The following TTC5 variants were observed in gnomAD, a reference collection of about 807,000 sequenced individuals.
The protein encoded by TTC5 is tetratricopeptide repeat domain 5.
In TTC5, 46 loss-of-function variants were observed where a neutral mutation model predicts 57.4. The observed-to-expected ratio is 0.80, with a 90% CI of 0.63 to 1.03. The LOEUF is 1.03. Among genes scored for constraint, TTC5 ranks in the 50% least tolerant of loss-of-function variants. The pLI is 0.00. For synonymous variants in TTC5, 190 were observed against 203.5 expected (o/e 0.93, Z 0.57); for missense variants, 504 against 528.1 (o/e 0.95, Z 0.45).
Position 20,288,090 on chromosome 14 carries a change from T to C in TTC5, c.*1537A>G, listed in dbSNP as rs1428123988. 4 of 152,216 alleles carry C rather than the reference T, an allele frequency of 2.6e-5. No homozygotes were observed. Among genetic ancestry groups the C allele is most frequent in the African/African-American group, 7.2e-5 (3 of 41,460 alleles). 9.4% of individuals were successfully genotyped at this position (152,216 alleles called of 1,614,324 possible). ...TAATATTCATATATGATGTTGAAGCTATACCTGAGAATGTAAGCCTTTTTG... is the reference window on the plus strand; with the variant it reads ...TAATATTCATATATGATGTTGAAGCCATACCTGAGAATGTAAGCCTTTTTG... On this transcript the variant is annotated 3_prime_UTR_variant, in exon 10 of 10. Coordinates refer to ENST00000258821, the MANE Select transcript of TTC5 (RefSeq NM_138376.3).
At chr14:20,300,159 T>A (rs56282772) in intron 3 of TTC5, among the ~76,000 whole-genome samples, 1,684 of 72,418 alleles carry the variant, frequency 0.023, 5 homozygotes, top group African/African-American at 0.048. Context: ...ATATATATTT[T>A]TTTTTTTTTT....
In TTC5 at chr14:20,299,290, G is replaced by C. The variant is rs1220343498; in HGVS notation, c.547+8C>G. ...GAAACCTGTTGGAGATCTTTTGAGA[G>C]CACTCACACCAGGAGCGGCCATCAT... On this transcript the variant is annotated splice_region_variant and intron_variant, in intron 4 of 9. Transcript: ENST00000258821. The C allele has an allele frequency of 1.2e-6, 2 of 1,611,148 alleles. No individual in the cohort carries two copies. Among genetic ancestry groups the C allele is most frequent in the East Asian group, 2.2e-5 (1 of 44,834 alleles).
At chr14:20,295,143 A>G in intron 8 of TTC5, 169 bp downstream of exon 8, 1 of 630,940 alleles carries the variant, frequency 1.6e-6, no homozygotes, top group Non-Finnish European at 2.8e-6. Flanking sequence ...TGATCAAAAG[A>G]TGGTTAAACA....
intron 9 of TTC5, among the ~76,000 whole-genome samples, chr14:20,290,297 T>C (rs930926030): frequency 6.6e-6 from 1 of 152,216 alleles, no homozygotes; most frequent in Non-Finnish European, 1.5e-5. Flanking sequence ...AGTTTAAGTG[T>C]ATTTTAAGTT....
intron 1 of TTC5, among the ~76,000 whole-genome samples, chr14:20,302,178 G>T (rs1209885318): frequency 1.3e-5 from 2 of 152,186 alleles, no homozygotes; most frequent in Non-Finnish European, 2.9e-5. Context: ...GTCCCATGTT[G>T]TCCCATGCCA....
chr14:20,303,865 A>C (rs994529408), intron 1 of TTC5, among the ~76,000 whole-genome samples: 2 of 152,122 alleles, frequency 1.3e-5, no homozygotes, highest in African/African-American at 4.8e-5. Flanking sequence ...CAAACCCATC[A>C]AGCTCAGCCC....
At position 20,291,711 on chromosome 14, in the gene TTC5, T is replaced by C. The variant is rs141703953; in HGVS notation, c.1203+272A>G. ...TTGTGAAAAGAAAAGACTTCAGGTATATACACCAAACTGTTAACAGTAACA... is the reference window on the plus strand; with the variant it reads ...TTGTGAAAAGAAAAGACTTCAGGTACATACACCAAACTGTTAACAGTAACA... On this transcript the variant is annotated intron_variant, in intron 9 of 9. Coordinates refer to ENST00000258821, the MANE Select transcript of TTC5 (RefSeq NM_138376.3). 1.8e-3 allele frequency among the ~76,000 whole-genome samples: 267 copies of C among 152,248 alleles called. 1 individual carries two copies. The highest frequency in any genetic ancestry group is 6.1e-3 in the African/African-American group (255 of 41,550).
rs186759144 is a variant in TTC5 at position 20,287,213 on chromosome 14, G to C, written c.*2414C>G. 1 of 152,324 alleles carries C rather than the reference G, an allele frequency of 6.6e-6. No individual in the cohort carries two copies. Among genetic ancestry groups the C allele is most frequent in the East Asian group, 1.9e-4 (1 of 5,176 alleles). 9.4% of individuals were successfully genotyped at this position (152,324 alleles called of 1,614,324 possible). ...CTGGAGGGTTTGCGAAACACAGATT[G>C]CTGGGCTCCTCCCACATAGTTTTGA... On this transcript the variant is annotated 3_prime_UTR_variant, in exon 10 of 10. Coordinates refer to ENST00000258821, the MANE Select transcript of TTC5 (RefSeq NM_138376.3).
intron 2 of TTC5, 29 bp downstream of exon 2, chr14:20,301,804 G>C (rs758611095): frequency 6.2e-7 from 1 of 1,612,806 alleles, no homozygotes; most frequent in Non-Finnish European, 8.5e-7. Context: ...ACTGAAGGAT[G>C]GGGGTTGTAC....
intron 5 of TTC5, among the ~76,000 whole-genome samples, chr14:20,296,894 T>C (rs919263481): frequency 2.6e-5 from 4 of 152,086 alleles, no homozygotes; most frequent in African/African-American, 9.7e-5. Context: ...GCACCTGTAA[T>C]TCCAGCTACT....
chr14:20,297,938 A>G (rs1238171456), intron 5 of TTC5, among the ~76,000 whole-genome samples: 1 of 152,220 alleles, frequency 6.6e-6, no homozygotes, highest in East Asian at 1.9e-4. Flanking sequence ...GGCAGTTTAA[A>G]GTCAAAGGTA....
chr14:20,305,862 T>C, intron 1 of TTC5, 25 bp downstream of exon 1: 2 of 1,612,032 alleles, frequency 1.2e-6, no homozygotes. Context: ...CAAAAACACA[T>C]ACAGAATTTA....
In TTC5 at chr14:20,298,951, A is replaced by T. The variant is rs1882123996; in HGVS notation, c.548-63T>A. On this transcript the variant is annotated intron_variant, in intron 4 of 9. Transcript: ENST00000258821. Reference sequence around the variant, plus strand: ...CAAGTTCAAGATATGACTTATTTTGATCATTCTTGAAAGTATATTTGAAAG... The same window carrying T: ...CAAGTTCAAGATATGACTTATTTTGTTCATTCTTGAAAGTATATTTGAAAG... 3.9e-6 allele frequency: 5 copies of T among 1,278,336 alleles called. No homozygotes were observed. The South Asian group carries it at 6.2e-5, about 16-fold the overall frequency. The allele number at this position is 1,278,336 out of a possible 1,614,324, so 79.2% of individuals were successfully genotyped here. A position where few individuals can be genotyped will look rare whatever the true frequency, so the allele number is the denominator to read the frequency against.
Position 20,301,797 on chromosome 14 carries a change from G to A in TTC5, c.184+36C>T, listed in dbSNP as rs530265858. 1.9e-6 allele frequency: 3 copies of A among 1,611,996 alleles called. No homozygotes were observed. The East Asian group carries it at 6.7e-5, about 36-fold the overall frequency. On this transcript the variant is annotated intron_variant, in intron 2 of 9. Transcript: ENST00000258821. ...GAGCAAAGGTCAATCACATTTCACT[G>A]AAGGATGGGGGTTGTACAATCTCTA...
At chr14:20,303,009 T>C (rs1882222802) in intron 1 of TTC5, among the ~76,000 whole-genome samples, 3 of 151,934 alleles carry the variant, frequency 2.0e-5, no homozygotes, top group South Asian at 2.1e-4. Context: ...CTGGCCATCA[T>C]GGTGAAACCC....
rs1594260723 is a variant in TTC5 at position 20,288,963 on chromosome 14, T to C, written c.*664A>G. On this transcript the variant is annotated 3_prime_UTR_variant, in exon 10 of 10. Coordinates refer to ENST00000258821, the MANE Select transcript of TTC5 (RefSeq NM_138376.3). ...GCTGGTCTCTAGCAACTTTGTGGAG[T>C]TGCCATTCCTGCCTGGGGCTGTCTA... is the stretch of plus-strand genomic sequence containing the variant. 1 of 152,068 alleles carries C rather than the reference T, an allele frequency of 6.6e-6. No individual in the cohort carries two copies. Among genetic ancestry groups the C allele is most frequent in the Non-Finnish European group, 1.5e-5 (1 of 68,022 alleles). The allele number at this position is 152,068 out of a possible 1,614,324, so 9.4% of individuals were successfully genotyped here. A position where few individuals can be genotyped will look rare whatever the true frequency, so the allele number is the denominator to read the frequency against.
chr14:20,292,038 G>A lies in TTC5; in HGVS notation c.1148C>T (p.Ser383Phe). The A allele has an allele frequency of 6.3e-7, 1 of 1,597,236 alleles. No individual in the cohort carries two copies. Among genetic ancestry groups the A allele is most frequent in the African/African-American group, 1.3e-5 (1 of 74,382 alleles). The change falls in exon 9 of 10, where the codon TCT becomes TTT. Residue 383 changes from serine to phenylalanine, a missense_variant. Transcript: ENST00000258821. ...CAGGTTGGGCTCAGGAATGGCTACA[G>A]AGTCTCCAATGAGCACTCCCCAGCT... ...VQSWGVLIGD[S>F]VAIPEPNLRL...
chr14:20,288,353 A>T lies in TTC5; in HGVS notation c.*1274T>A, dbSNP rs1317993406. 6.6e-6 allele frequency: 1 copy of T among 152,260 alleles called. No homozygotes were observed. The highest frequency in any genetic ancestry group is 1.5e-5 in the Non-Finnish European group (1 of 68,048). The allele number at this position is 152,260 out of a possible 1,614,324, so 9.4% of individuals were successfully genotyped here. On this transcript the variant is annotated 3_prime_UTR_variant, in exon 10 of 10. Coordinates refer to ENST00000258821, the MANE Select transcript of TTC5 (RefSeq NM_138376.3). The stretch of plus-strand genomic sequence containing the variant: ...GAACAGGACTGGACCAAGAACAAAG[A>T]TCTGAGCCATTTCACTAGAAGACTT...
chr14:20,303,484 C>G (rs1279299283), intron 1 of TTC5, among the ~76,000 whole-genome samples: 1 of 152,162 alleles, frequency 6.6e-6, no homozygotes, highest in Admixed American at 6.5e-5. Context: ...ATAATCACTT[C>G]CCTTCGAGTG....
Sources: gnomAD v4.1 joint callset for allele counts (sites outside exome capture counted in the v4.1 genomes callset) on GRCh38, gnomAD v4.1.1 for gene constraint, MANE v1.5 for transcripts, NCBI Gene and HGNC (gene_info 2026-07-23, HGNC 2026-07-21) for gene names.